The following KCNMA1 variants were observed in gnomAD, a reference collection of about 807,000 sequenced individuals.
KCNMA1 encodes Calcium-activated potassium channel subunit alpha-1.
In KCNMA1, 29 loss-of-function variants were observed where a neutral mutation model predicts 140.0. The ratio of observed to expected loss-of-function variants is 0.21; its 90% confidence interval spans 0.15 to 0.28. The LOEUF is 0.28. Ranked by LOEUF, KCNMA1 falls within the 10% of genes least tolerant of loss-of-function variation. The pLI, the probability that KCNMA1 is intolerant of heterozygous loss-of-function variation, is 1.00. For missense variants in KCNMA1, 880 were observed against 1,602.2 expected, an observed-to-expected ratio of 0.55 and a Z score of 7.70; for synonymous variants, 612 against 611.9, an observed-to-expected ratio of 1.00 and a Z score of 0.00.
intron 3 of KCNMA1, among the ~76,000 whole-genome samples, chr10:77,230,456 G>C (rs543461434): frequency 2.6e-5 from 4 of 152,202 alleles, no homozygotes; most frequent in African/African-American, 9.6e-5. Context: ...TGTGAATTTT[G>C]CCAGGATTAA....
intron 3 of KCNMA1, among the ~76,000 whole-genome samples, chr10:77,193,842 TG>T (rs1297404306): frequency 6.6e-6 from 1 of 152,166 alleles, no homozygotes; most frequent in Non-Finnish European, 1.5e-5. Flanking sequence ...ACACAAATGC[TG>T]GCATGGGGAA....
chr10:77,127,530 G>A (rs1301865386), intron 5 of KCNMA1, among the ~76,000 whole-genome samples: 1 of 152,012 alleles, frequency 6.6e-6, no homozygotes, highest in Non-Finnish European at 1.5e-5. Flanking sequence ...TCTTTTGCCT[G>A]TATTCCCACT....
chr10:77,297,424 G>A (rs534928026), intron 2 of KCNMA1, among the ~76,000 whole-genome samples: 6 of 152,062 alleles, frequency 3.9e-5, no homozygotes, highest in Admixed American at 6.5e-5. Context: ...TTTCTTTTGC[G>A]GCTCAGGGAA....
intron 2 of KCNMA1, among the ~76,000 whole-genome samples, chr10:77,328,902 A>AT (rs2085243848): frequency 6.6e-6 from 1 of 151,982 alleles, no homozygotes; most frequent in Non-Finnish European, 1.5e-5. Context: ...GTGCAGTGGC[A>AT]TGATCTCGGC....
intron 2 of KCNMA1, among the ~76,000 whole-genome samples, chr10:77,269,202 T>G (rs1455641457): frequency 2.6e-5 from 4 of 152,222 alleles, no homozygotes; most frequent in Admixed American, 6.5e-5. Context: ...CTTTCAATTT[T>G]ACCTTAACTC....
intron 20 of KCNMA1, among the ~76,000 whole-genome samples, chr10:76,968,677 A>G (rs1333214944): frequency 6.6e-6 from 1 of 152,224 alleles, no homozygotes; most frequent in Non-Finnish European, 1.5e-5. Flanking sequence ...ATTCCTCCTC[A>G]TAAACTGTAA....
In KCNMA1 at chr10:76,886,416, C is replaced by T; in HGVS notation, c.*850G>A. The stretch of plus-strand genomic sequence containing the variant: ...TTTATGATACATATGGCTTTTCATC[C>T]CAAATGTCAAAAGTGAAAGAAAAAA... On this transcript the variant is annotated 3_prime_UTR_variant, in exon 28 of 28. Transcript: ENST00000286628. The T allele has an allele frequency of 3.0e-6, 3 of 984,984 alleles. No homozygotes were observed. Among genetic ancestry groups the T allele is most frequent in the Non-Finnish European group, 3.6e-6 (3 of 829,764 alleles). 61.0% of individuals were successfully genotyped at this position (984,984 alleles called of 1,614,324 possible).
intron 1 of KCNMA1, among the ~76,000 whole-genome samples, chr10:77,559,737 C>A (rs922989651): frequency 1.3e-5 from 2 of 152,202 alleles, no homozygotes; most frequent in African/African-American, 4.8e-5. Context: ...AACTAAAAAT[C>A]TGGTTGATCT....
intron 2 of KCNMA1, among the ~76,000 whole-genome samples, chr10:77,355,417 TGGGTTCAGGGATG>T (rs571954887): frequency 5.9e-5 from 9 of 152,134 alleles, no homozygotes; most frequent in Non-Finnish European, 1.3e-4. Context: ...GCAGCAGTGA[TGGGTTCAGGGATG>T]GGCATGTGAC....
At chr10:77,254,382 C>T (rs504197) in intron 2 of KCNMA1, among the ~76,000 whole-genome samples, 66,161 of 151,602 alleles carry the variant, frequency 0.44, 14,783 homozygotes, top group East Asian at 0.58. Context: ...CCACCATACC[C>T]GGCTAATTTT....
chr10:77,256,908 A>C (rs779905520), intron 2 of KCNMA1, among the ~76,000 whole-genome samples: 10 of 152,202 alleles, frequency 6.6e-5, no homozygotes, highest in African/African-American at 9.7e-5. Context: ...GTTCGAGACC[A>C]GCCTGGGCAA....
chr10:77,155,779 A>G (rs773967563), intron 5 of KCNMA1, among the ~76,000 whole-genome samples: 13 of 152,346 alleles, frequency 8.5e-5, no homozygotes, highest in Non-Finnish European at 1.8e-4. Flanking sequence ...GCTAAATAGA[A>G]TTGAAAGCTA....
intron 22 of KCNMA1, among the ~76,000 whole-genome samples, chr10:76,945,806 TA>T (rs34276840): frequency 0.74 from 111,101 of 149,716 alleles, 42,327 homozygotes; most frequent in African/African-American, 0.9. Flanking sequence ...TTCATTTATG[TA>T]AAAAAAAAAA....
chr10:77,431,768 C>T (rs763738780), intron 1 of KCNMA1, among the ~76,000 whole-genome samples: 26 of 146,644 alleles, frequency 1.8e-4, no homozygotes, highest in African/African-American at 4.8e-4. Flanking sequence ...GAAGCCGATG[C>T]GGATGGATCA....
chr10:77,151,182 C>T (rs1328158411), intron 5 of KCNMA1, among the ~76,000 whole-genome samples: 16 of 121,750 alleles, frequency 1.3e-4, no homozygotes, highest in Non-Finnish European at 2.4e-4. Flanking sequence ...TCTTTCCTTT[C>T]TTTCTTTCCC....
At chr10:77,144,814 G>A (rs1425552875) in intron 5 of KCNMA1, among the ~76,000 whole-genome samples, 1 of 152,172 alleles carries the variant, frequency 6.6e-6, no homozygotes, top group Non-Finnish European at 1.5e-5. Context: ...AATTGGAGAA[G>A]TGAAGGATTT....
At chr10:77,434,169 C>T (rs1022408207) in intron 1 of KCNMA1, among the ~76,000 whole-genome samples, 19 of 152,256 alleles carry the variant, frequency 1.2e-4, no homozygotes. Context: ...GCGCTACAGC[C>T]TGCTGACCAC....
intron 1 of KCNMA1, among the ~76,000 whole-genome samples, chr10:77,468,228 G>A (rs550743219): frequency 1.6e-4 from 25 of 152,184 alleles, no homozygotes; most frequent in Admixed American, 4.6e-4. Context: ...GGCTGGTCTC[G>A]AACTGTCAGA....
At chr10:77,391,214 G>A (rs1335082621) in intron 2 of KCNMA1, among the ~76,000 whole-genome samples, 1 of 152,118 alleles carries the variant, frequency 6.6e-6, no homozygotes, top group African/African-American at 2.4e-5. Flanking sequence ...GGAAGGCCCA[G>A]AAGTTTGCTC....
Sources: allele counts gnomAD v4.1 joint callset (sites outside exome capture counted in the v4.1 genomes callset), GRCh38; gene constraint gnomAD v4.1.1; transcripts MANE v1.5; gene names NCBI Gene and HGNC (gene_info 2026-07-23, HGNC 2026-07-21).